Variants in SPATS1 observed in about 807,000 individuals in gnomAD.
The protein encoded by SPATS1 is spermatogenesis-associated serine-rich protein 1.
SPATS1 carries 23 observed loss-of-function variants against 33.6 expected under a neutral mutation model. That is an observed-to-expected ratio of 0.68 (90% CI 0.49 to 0.97). SPATS1 has a LOEUF of 0.97. SPATS1 is among the 50% of genes least tolerant of loss of function. The pLI is 0.00. For synonymous variants in SPATS1, 131 were observed against 125.6 expected, an observed-to-expected ratio of 1.04 and a Z score of -0.29; for missense variants, 327 against 361.0, an observed-to-expected ratio of 0.91 and a Z score of 0.76.
Position 44,361,877 on chromosome 6 carries a change from C to T in SPATS1, c.459C>T (p.Ser153=). ...PEWTFYPRFS[S]NIHTYHVGKQ... ...GGACATTTTACCCAAGGTTTAGCAG[C>T]AACATCCACACCTACCACGTCGGAA... The change falls in exon 5 of 9, where the codon AGC becomes AGT. Residue 153 remains serine, a synonymous_variant. Transcript: ENST00000674044. 1 of 1,614,238 alleles carries T rather than the reference C, an allele frequency of 6.2e-7. No individual in the cohort carries two copies. Among genetic ancestry groups the T allele is most frequent in the East Asian group, 2.2e-5 (1 of 44,890 alleles).
At chr6:44,343,070 A>C (rs1787659966) in intron 1 of SPATS1, 26 bp from the exon 2 acceptor site, 2 of 1,613,104 alleles carry the variant, frequency 1.2e-6, no homozygotes, top group Non-Finnish European at 1.7e-6. Context: ...GGTTGCTTCT[A>C]ATATTTAAAA....
In SPATS1 at chr6:44,372,512, G is replaced by T. The variant is rs1583096241; in HGVS notation, c.758+2399G>T. ...GGAGTCTCACTTTGTCACCAGGCTG[G>T]AGTGCAGTGGCGCAATCTGGGCTCA... is the stretch of plus-strand genomic sequence containing the variant. On this transcript the variant is annotated intron_variant, in intron 7 of 8. Coordinates refer to ENST00000674044, the MANE Select transcript of SPATS1 (RefSeq NM_001372081.1). Among the ~76,000 whole-genome samples, 5 of 151,722 alleles carry T rather than the reference G, an allele frequency of 3.3e-5. No individual in the cohort carries two copies. The South Asian group carries it at 1.0e-3, about 32-fold the overall frequency.
chr6:44,371,242 T>A (rs959456401), intron 7 of SPATS1, among the ~76,000 whole-genome samples: 1 of 151,214 alleles, frequency 6.6e-6, no homozygotes, highest in Non-Finnish European at 1.5e-5. Flanking sequence ...GAGGCTGCAG[T>A]GAGCTACGAT....
At chr6:44,373,064 G>A (rs1789722095) in intron 7 of SPATS1, among the ~76,000 whole-genome samples, 1 of 152,196 alleles carries the variant, frequency 6.6e-6, no homozygotes, top group South Asian at 2.1e-4. Flanking sequence ...CTACACATGT[G>A]TGTCTTAATA....
At chr6:44,370,017 T>C (rs1186138502) in intron 6 of SPATS1, 34 bp from the exon 7 acceptor site, 4 of 1,528,886 alleles carry the variant, frequency 2.6e-6, no homozygotes, top group Non-Finnish European at 3.6e-6. Context: ...GTAGATGGCA[T>C]ACCAGTTTTA....
chr6:44,359,059 G>A (rs776052680), intron 3 of SPATS1, among the ~76,000 whole-genome samples: 4 of 151,828 alleles, frequency 2.6e-5, no homozygotes, highest in African/African-American at 4.8e-5. Context: ...GGAATGAGGT[G>A]GAGTGATCCT....
rs1335176469 is a variant in SPATS1, at chr6:44,342,811, G to A, written c.-1+43G>A. On this transcript the variant is annotated intron_variant, in intron 1 of 8. Coordinates refer to ENST00000674044, the MANE Select transcript of SPATS1 (RefSeq NM_001372081.1). ...AGCACAGACCCGGGCCTCCCCTGGG[G>A]AAGGGGGTGGGAAGACCCCGAGGTG... 42 of 829,952 alleles carry A rather than the reference G, an allele frequency of 5.1e-5. No individual in the cohort carries two copies. The East Asian group carries it at 1.8e-3, about 35-fold the overall frequency. 51.4% of individuals were successfully genotyped at this position (829,952 alleles called of 1,614,324 possible).
chr6:44,360,299 T>A (rs1788833600), intron 3 of SPATS1, 147 bp from the exon 4 acceptor site: 1 of 1,000,620 alleles, frequency 1.0e-6, no homozygotes, highest in African/African-American at 1.6e-5. Flanking sequence ...CCTCAAATTA[T>A]GAGTAAATAA....
chr6:44,343,498 AG>A (rs1361360225), intron 2 of SPATS1: 3 of 558,322 alleles, frequency 5.4e-6, no homozygotes, highest in African/African-American at 1.9e-5. Flanking sequence ...CTATGAGTAA[AG>A]GGAGCCAGAG....
At position 44,377,225 on chromosome 6, in the gene SPATS1, T is replaced by G. The variant is rs1790016905; in HGVS notation, c.*162T>G. The G allele has an allele frequency of 2.6e-6, 2 of 774,260 alleles. No individual in the cohort carries two copies. Among genetic ancestry groups the G allele is most frequent in the African/African-American group, 1.7e-5 (1 of 57,186 alleles). The allele number at this position is 774,260 out of a possible 1,614,324, so 48.0% of individuals were successfully genotyped here. A position where few individuals can be genotyped will look rare whatever the true frequency, so the allele number is the denominator to read the frequency against. ...TTTATATTTTGAAAACTTTCACATT[T>G]ACATAAAAGTTGCAAGAATTGTACA... is the stretch of plus-strand genomic sequence containing the variant. On this transcript the variant is annotated 3_prime_UTR_variant, in exon 9 of 9. Coordinates refer to ENST00000674044, the MANE Select transcript of SPATS1 (RefSeq NM_001372081.1).
chr6:44,372,170 CTT>C (rs1789664428), intron 7 of SPATS1, among the ~76,000 whole-genome samples: 1 of 150,202 alleles, frequency 6.7e-6, no homozygotes, highest in South Asian at 2.1e-4. Flanking sequence ...AGGAGAATCA[CTT>C]GAACCCGGGA....
chr6:44,375,206 G>A (rs1789855461), intron 7 of SPATS1, among the ~76,000 whole-genome samples: 1 of 152,190 alleles, frequency 6.6e-6, no homozygotes, highest in Non-Finnish European at 1.5e-5. Context: ...GACAGCTTAA[G>A]GAAAGGGACT....
chr6:44,361,052 A>ATG (rs1264961912), intron 4 of SPATS1, among the ~76,000 whole-genome samples: 1 of 152,174 alleles, frequency 6.6e-6, no homozygotes, highest in African/African-American at 2.4e-5. Context: ...CATTTTACAA[A>ATG]GGAGGAAACT....
At position 44,379,591 on chromosome 6, in the gene SPATS1, C is replaced by T. The variant is rs1464064428; in HGVS notation, c.*2528C>T. Among the ~76,000 whole-genome samples the T allele has an allele frequency of 1.2e-5, 1 of 80,072 alleles. No homozygotes were observed. Among genetic ancestry groups the T allele is most frequent in the Non-Finnish European group, 2.1e-5 (1 of 47,420 alleles). 52.5% of individuals were successfully genotyped at this position (80,072 alleles called of 152,430 possible). ...CTCCAGCCTGGGCAACAGAGTGAGACTCTGTCTCAAAAAAAAAAAAAAAAA... is the reference window on the plus strand; with the variant it reads ...CTCCAGCCTGGGCAACAGAGTGAGATTCTGTCTCAAAAAAAAAAAAAAAAA... On this transcript the variant is annotated 3_prime_UTR_variant, in exon 9 of 9. Coordinates refer to ENST00000674044, the MANE Select transcript of SPATS1 (RefSeq NM_001372081.1).
chr6:44,372,129 C>T (rs1258254309), intron 7 of SPATS1, among the ~76,000 whole-genome samples: 1 of 151,042 alleles, frequency 6.6e-6, no homozygotes, highest in Non-Finnish European at 1.5e-5. Flanking sequence ...TGGCGCGCAC[C>T]TGTAGTCCCA....
chr6:44,370,984 T>G (rs1334741866), intron 7 of SPATS1, among the ~76,000 whole-genome samples: 2 of 151,888 alleles, frequency 1.3e-5, no homozygotes, highest in Non-Finnish European at 2.9e-5. Flanking sequence ...GAAAGGTTTT[T>G]TTTTTTTTTT....
chr6:44,371,315 A>AG (rs1189589673), intron 7 of SPATS1, among the ~76,000 whole-genome samples: 2 of 152,066 alleles, frequency 1.3e-5, no homozygotes, highest in East Asian at 3.9e-4. Context: ...AAAAAAAAAA[A>AG]AGAGAGAGAA....
At chr6:44,348,585 G>T (rs1320216614) in intron 2 of SPATS1, among the ~76,000 whole-genome samples, 1 of 152,132 alleles carries the variant, frequency 6.6e-6, no homozygotes, top group African/African-American at 2.4e-5. Context: ...ATGTTACCAG[G>T]TCTGTGGGCC....
chr6:44,363,829 A>G (rs1338082460), intron 5 of SPATS1, among the ~76,000 whole-genome samples: 1 of 152,034 alleles, frequency 6.6e-6, no homozygotes, highest in Non-Finnish European at 1.5e-5. Context: ...ACATTTGTTG[A>G]CTATATAAAA....
Sources: allele counts gnomAD v4.1 joint callset (sites outside exome capture counted in the v4.1 genomes callset), GRCh38; gene constraint gnomAD v4.1.1; transcripts MANE v1.5; gene names NCBI Gene and HGNC (gene_info 2026-07-23, HGNC 2026-07-21).